Variants in ANO10 observed in about 807,000 individuals in gnomAD.
ANO10 encodes anoctamin-10.
A neutral mutation model predicts 74.7 loss-of-function variants in ANO10; 77 were observed. That is an observed-to-expected ratio of 1.03 (90% CI 0.86 to 1.25). The LOEUF is 1.25. ANO10 is among the 50% of genes most tolerant of loss of function. The pLI, the probability that ANO10 is intolerant of heterozygous loss-of-function variation, is 0.00. For missense variants in ANO10, 721 were observed against 778.1 expected (o/e 0.93, Z 0.87); for synonymous variants, 279 against 284.9 (o/e 0.98, Z 0.21).
intron 1 of ANO10, among the ~76,000 whole-genome samples, chr3:43,667,089 T>G (rs1575586051): frequency 7.2e-6 from 1 of 139,624 alleles, no homozygotes; most frequent in Non-Finnish European, 1.5e-5. Context: ...TTTTTTTTTT[T>G]TTTTTTTTTG....
At chr3:43,615,965 T>A (rs1326968345) in intron 1 of ANO10, among the ~76,000 whole-genome samples, 1 of 152,172 alleles carries the variant, frequency 6.6e-6, no homozygotes, top group Non-Finnish European at 1.5e-5. Context: ...CAAATGGCAT[T>A]TTTTAACTAT....
At chr3:43,383,850 C>T (rs991769323) in intron 12 of ANO10, among the ~76,000 whole-genome samples, 5 of 151,984 alleles carry the variant, frequency 3.3e-5, no homozygotes, top group Admixed American at 2.0e-4. Context: ...AAGGCATTAC[C>T]CCTGGAACAA....
chr3:43,390,754 T>TA (rs2125715813), intron 12 of ANO10, among the ~76,000 whole-genome samples: 1 of 152,306 alleles, frequency 6.6e-6, no homozygotes, highest in South Asian at 2.1e-4. Flanking sequence ...GCTTCAAAAT[T>TA]AGACTCAAAA....
intron 11 of ANO10, among the ~76,000 whole-genome samples, chr3:43,436,552 C>G (rs1168112902): frequency 6.6e-6 from 1 of 152,014 alleles, no homozygotes; most frequent in Admixed American, 6.6e-5. Context: ...GTTGGCTCCC[C>G]ACAAAAATAT....
chr3:43,555,278 C>G lies in ANO10; in HGVS notation c.1668G>C (p.Gln556His). 6.2e-7 allele frequency: 1 copy of G among 1,613,686 alleles called. No individual in the cohort carries two copies. Residue 556 changes from glutamine (Q) to histidine (H), a missense_variant and splice_region_variant, in exon 10 of 13, where the codon CAG becomes CAC. Transcript: ENST00000292246. ...SEPSANIGVW[Q>H]LAFETMSVIS... Reference sequence around the variant, plus strand: ...AATAATTTTTTTCTCAAACAATTACCTGCCACACACCAATATTGGCTGAAG... The same window carrying G: ...AATAATTTTTTTCTCAAACAATTACGTGCCACACACCAATATTGGCTGAAG...
chr3:43,369,592 G>A (rs1347343142), intron 12 of ANO10, among the ~76,000 whole-genome samples: 1 of 152,168 alleles, frequency 6.6e-6, no homozygotes, highest in Non-Finnish European at 1.5e-5. Context: ...GGAACAGGAG[G>A]GGACAGGAAG....
chr3:43,493,415 T>A (rs955902358), intron 11 of ANO10, among the ~76,000 whole-genome samples: 16 of 146,928 alleles, frequency 1.1e-4, no homozygotes, highest in South Asian at 8.6e-4. Context: ...AAGTATAATT[T>A]AAAAAAAAAA....
chr3:43,385,279 C>T (rs1179782871), intron 12 of ANO10, among the ~76,000 whole-genome samples: 1 of 152,094 alleles, frequency 6.6e-6, no homozygotes, highest in Non-Finnish European at 1.5e-5. Flanking sequence ...GGCATGAATA[C>T]AGTGAAAAGG....
In ANO10 at chr3:43,399,584, A is replaced by G. The variant is rs142536030; in HGVS notation, c.1915-32610T>C. ...GGGAAAGAAGGACCAGGTGATGAAA[A>G]TGAGTAGCTTCCAGAGGTTTGCTCT... On this transcript the variant is annotated intron_variant, in intron 12 of 12. Transcript: ENST00000292246. Among the ~76,000 whole-genome samples the G allele has an allele frequency of 5.3e-3, 812 of 152,264 alleles. 9 individuals carry two copies. Among genetic ancestry groups the G allele is most frequent in the African/African-American group, 0.019 (779 of 41,558 alleles).
intron 1 of ANO10, among the ~76,000 whole-genome samples, chr3:43,608,349 A>G (rs2082656002): frequency 6.6e-6 from 1 of 152,120 alleles, no homozygotes; most frequent in Non-Finnish European, 1.5e-5. Flanking sequence ...TTTCAAACAT[A>G]CAAAAATTGA....
chr3:43,563,671 TA>T (rs1424082822), intron 8 of ANO10, among the ~76,000 whole-genome samples: 1 of 152,040 alleles, frequency 6.6e-6, no homozygotes, highest in African/African-American at 2.4e-5. Context: ...TAGTTGGCCA[TA>T]AAAAAGACTG....
At chr3:43,453,179 C>CT (rs36070589) in intron 11 of ANO10, among the ~76,000 whole-genome samples, 1,454 of 130,474 alleles carry the variant, frequency 0.011, 26 homozygotes, top group African/African-American at 0.033. Flanking sequence ...TCTTTTCCCC[C>CT]TTTTTTTTTT....
In ANO10 at chr3:43,383,857, A is replaced by T. The variant is rs1010268170; in HGVS notation, c.1915-16883T>A. Among the ~76,000 whole-genome samples, 11 of 152,368 alleles carry T rather than the reference A, an allele frequency of 7.2e-5. No homozygotes were observed. The East Asian group carries it at 7.7e-4, about 11-fold the overall frequency. On this transcript the variant is annotated intron_variant, in intron 12 of 12. Coordinates refer to ENST00000292246, the MANE Select transcript of ANO10 (RefSeq NM_018075.5). ...AAAAGTTGAAGGCATTACCCCTGGA[A>T]CAAGACAAGGATGCCCACTTTCACT...
chr3:43,614,054 T>C (rs2082964748), intron 1 of ANO10, among the ~76,000 whole-genome samples: 1 of 152,128 alleles, frequency 6.6e-6, no homozygotes. Flanking sequence ...AGAATAACTA[T>C]GCGTGAAAAA....
chr3:43,367,055 G>A, intron 12 of ANO10, 81 bp from the exon 13 acceptor site: 1 of 1,390,350 alleles, frequency 7.2e-7, no homozygotes, highest in Non-Finnish European at 1.0e-6. Context: ...TGGAAGCCTG[G>A]CCAGCGGCTT....
At chr3:43,667,227 A>AT (rs1263461875) in intron 1 of ANO10, among the ~76,000 whole-genome samples, 1 of 151,844 alleles carries the variant, frequency 6.6e-6, no homozygotes, top group African/African-American at 2.4e-5. Context: ...AGTAGCTGGA[A>AT]TTACAGGCGT....
At chr3:43,387,177 G>T (rs1194871023) in intron 12 of ANO10, among the ~76,000 whole-genome samples, 2 of 152,176 alleles carry the variant, frequency 1.3e-5, no homozygotes, top group Non-Finnish European at 2.9e-5. Context: ...TGCCCAGCAC[G>T]TTACTGTACT....
chr3:43,596,425 A>G (rs1284807365), intron 4 of ANO10, among the ~76,000 whole-genome samples: 1 of 152,152 alleles, frequency 6.6e-6, no homozygotes, highest in East Asian at 1.9e-4. Context: ...ATATAGACCA[A>G]TGGAACAGAA....
intron 11 of ANO10, among the ~76,000 whole-genome samples, chr3:43,483,112 TG>T (rs919315494): frequency 6.6e-6 from 1 of 152,248 alleles, no homozygotes; most frequent in African/African-American, 2.4e-5. Context: ...TCCTGTGCTC[TG>T]GGACATGGAT....
Sources: gnomAD v4.1 joint callset for allele counts (sites outside exome capture counted in the v4.1 genomes callset) on GRCh38, gnomAD v4.1.1 for gene constraint, MANE v1.5 for transcripts, NCBI Gene and HGNC (gene_info 2026-07-23, HGNC 2026-07-21) for gene names.